The following HECW1 variants were observed in gnomAD, a reference collection of about 807,000 sequenced individuals.
HECW1 encodes the protein E3 ubiquitin-protein ligase HECW1.
Under a neutral mutation model 182.3 loss-of-function variants are expected in HECW1, and 61 were observed. The ratio of observed to expected loss-of-function variants is 0.33; its 90% CI spans 0.27 to 0.41. HECW1 has a LOEUF of 0.41. Ranked by LOEUF, HECW1 falls within the 10% of genes least tolerant of loss-of-function variation. HECW1 has a pLI of 1.00. For synonymous variants in HECW1, 859 were observed against 832.6 expected (o/e 1.03, Z -0.55); for missense variants, 1,739 against 2,108.9 (o/e 0.82, Z 3.44).
rs369978776 is a variant in HECW1, at chr7:43,344,840, G to C, written c.461-16046G>C. Among the ~76,000 whole-genome samples, 6 of 152,102 alleles carry C rather than the reference G, an allele frequency of 3.9e-5. No homozygotes were observed. In the East Asian group the frequency reaches 5.8e-4, roughly 15 times the overall value. ...CACTATTTCAAAGTACAGTTTATCAGAATTTCTCGGATTCAAAATTTCTGT... is the reference window on the plus strand; with the variant it reads ...CACTATTTCAAAGTACAGTTTATCACAATTTCTCGGATTCAAAATTTCTGT... On this transcript the variant is annotated intron_variant, in intron 5 of 29. Coordinates refer to ENST00000395891, the MANE Select transcript of HECW1 (RefSeq NM_015052.5).
chr7:43,138,909 T>G (rs1359866736), intron 2 of HECW1, among the ~76,000 whole-genome samples: 1 of 152,228 alleles, frequency 6.6e-6, no homozygotes, highest in East Asian at 1.9e-4. Context: ...TCAAGGCCTT[T>G]GGCAGGCTGC....
rs765857149 is a variant in HECW1, at chr7:43,554,636, G to C, written c.4555G>C (p.Val1519Leu). Residue 1519 changes from valine to leucine, a missense_variant, in exon 29 of 30, where the codon GTG (valine) becomes CTG (leucine). Physicochemically the swap from Val to Leu is conservative, Grantham distance 32. This residue lies in a region of HECW1 where 420 missense variants were observed against 595.7 expected (regional missense o/e 0.71). Coordinates refer to ENST00000395891, the MANE Select transcript of HECW1 (RefSeq NM_015052.5). ...HLVIRWFWAA[V>L]ERFNNEQRLR... is the part of the protein sequence containing the mutation. ...TGTGATCCGCTGGTTCTGGGCTGCG[G>C]TGGAGCGCTTCAATAATGAGCAGAG... The C allele has an allele frequency of 1.2e-6, 2 of 1,613,820 alleles. No individual in the cohort carries two copies. The highest frequency in any genetic ancestry group is 1.7e-6 in the Non-Finnish European group (2 of 1,179,898).
At position 43,530,822 on chromosome 7, in the gene HECW1, C is replaced by T. The variant is rs550871940; in HGVS notation, c.4020-10341C>T. On this transcript the variant is annotated intron_variant, in intron 24 of 29. Transcript: ENST00000395891. ...TACCTCCAAATTGTTCGGCATGATG[C>T]CCTTGACATATTGTAATAACCTCCA... Among the ~76,000 whole-genome samples the T allele has an allele frequency of 6.3e-4, 96 of 152,124 alleles. 2 individuals carry two copies. In the Middle Eastern group the frequency reaches 0.017, roughly 27 times the overall value.
chr7:43,341,595 G>A (rs1447033554), intron 5 of HECW1, among the ~76,000 whole-genome samples: 3 of 151,836 alleles, frequency 2.0e-5, no homozygotes, highest in Non-Finnish European at 2.9e-5. Flanking sequence ...AGTTTATCAC[G>A]TGGCAATTTG....
chr7:43,504,218 G>A lies in HECW1; in HGVS notation c.3631+2896G>A, dbSNP rs573511918. 3.9e-5 allele frequency among the ~76,000 whole-genome samples: 6 copies of A among 152,260 alleles called. No individual in the cohort carries two copies. In the South Asian group the frequency reaches 8.3e-4, roughly 21 times the overall value. On this transcript the variant is annotated intron_variant, in intron 21 of 29. Coordinates refer to ENST00000395891, the MANE Select transcript of HECW1 (RefSeq NM_015052.5). ...CCTCATTCCGTTCCCTGGCTTCCCA[G>A]TCTCTAGACTTTGTCTGCAATGACT...
At chr7:43,163,511 T>C (rs116064652) in intron 2 of HECW1, among the ~76,000 whole-genome samples, 3,948 of 152,232 alleles carry the variant, frequency 0.026, 146 homozygotes, top group African/African-American at 0.09. Flanking sequence ...CTAGGCTCCC[T>C]GACCTTCCAT....
chr7:43,395,318 A>G (rs1314930196), intron 6 of HECW1, among the ~76,000 whole-genome samples: 1 of 152,226 alleles, frequency 6.6e-6, no homozygotes, highest in African/African-American at 2.4e-5. Context: ...AGTTCAGCCT[A>G]TGCCCAGGAA....
chr7:43,277,960 A>T (rs1272991418), intron 3 of HECW1, among the ~76,000 whole-genome samples: 1 of 148,666 alleles, frequency 6.7e-6, no homozygotes, highest in Admixed American at 6.7e-5. Flanking sequence ...TCTTTCCCTG[A>T]CTCCCCCAGA....
intron 3 of HECW1, among the ~76,000 whole-genome samples, chr7:43,281,031 G>A (rs1803829766): frequency 6.6e-6 from 1 of 152,106 alleles, no homozygotes; most frequent in African/African-American, 2.4e-5. Context: ...GATTTTTGAT[G>A]GCTTAAGATT....
chr7:43,410,433 G>A (rs2075763476), intron 8 of HECW1, among the ~76,000 whole-genome samples: 1 of 152,090 alleles, frequency 6.6e-6, no homozygotes, highest in South Asian at 2.1e-4. Context: ...ACCTCCAAAG[G>A]CCCGGCCTCT....
chr7:43,179,060 C>T (rs1348261626), intron 2 of HECW1, among the ~76,000 whole-genome samples: 1 of 152,180 alleles, frequency 6.6e-6, no homozygotes, highest in Non-Finnish European at 1.5e-5. Flanking sequence ...CAAGTAACAC[C>T]GAGGAAAAAG....
intron 2 of HECW1, chr7:43,147,668 G>A (rs1788861348): frequency 6.6e-6 from 1 of 152,100 alleles, no homozygotes; most frequent in Admixed American, 6.5e-5. Context: ...TAAAAAAGGA[G>A]TGATGATTCA....
At chr7:43,522,097 T>A (rs2080506356) in intron 24 of HECW1, among the ~76,000 whole-genome samples, 1 of 152,240 alleles carries the variant, frequency 6.6e-6, no homozygotes, top group Non-Finnish European at 1.5e-5. Context: ...GGCACCTTGA[T>A]CTTGGATTTC....
intron 2 of HECW1, among the ~76,000 whole-genome samples, chr7:43,178,380 C>T (rs978947563): frequency 6.6e-6 from 1 of 152,168 alleles, no homozygotes; most frequent in African/African-American, 2.4e-5. Flanking sequence ...AAGACTGGAA[C>T]TTGGTTTTAA....
intron 2 of HECW1, among the ~76,000 whole-genome samples, chr7:43,162,156 T>G (rs1031991854): frequency 6.6e-6 from 1 of 152,262 alleles, no homozygotes; most frequent in African/African-American, 2.4e-5. Context: ...TCCTTGTGTT[T>G]TGTAAGGAAT....
chr7:43,349,879 C>CT (rs1176128011), intron 5 of HECW1, among the ~76,000 whole-genome samples: 3 of 152,090 alleles, frequency 2.0e-5, no homozygotes, highest in Non-Finnish European at 4.4e-5. Context: ...GGTACCATTG[C>CT]TTTCATCATG....
At chr7:43,299,945 G>A (rs148682715) in intron 3 of HECW1, among the ~76,000 whole-genome samples, 1 of 152,320 alleles carries the variant, frequency 6.6e-6, no homozygotes, top group African/African-American at 2.4e-5. Context: ...TGATTTGCTG[G>A]TTTTGATCAC....
intron 6 of HECW1, among the ~76,000 whole-genome samples, chr7:43,378,698 C>G (rs2074421999): frequency 6.6e-6 from 1 of 151,974 alleles, no homozygotes; most frequent in Non-Finnish European, 1.5e-5. Flanking sequence ...CCCAGCTACT[C>G]AGGAGGCTGA....
At chr7:43,228,375 T>A (rs1364836460) in intron 2 of HECW1, among the ~76,000 whole-genome samples, 1 of 150,740 alleles carries the variant, frequency 6.6e-6, no homozygotes, top group Non-Finnish European at 1.5e-5. Flanking sequence ...AGAGCTCATA[T>A]ACTTAAGTAA....
Sources: gnomAD v4.1 joint callset for allele counts (sites outside exome capture counted in the v4.1 genomes callset) on GRCh38, gnomAD v4.1.1 for gene constraint, gnomAD v4.1.1 regional missense constraint, MANE v1.5 for transcripts, NCBI Gene and HGNC (gene_info 2026-07-23, HGNC 2026-07-21) for gene names.